Variants in AFAP1 observed in about 807,000 individuals in gnomAD.
The protein encoded by AFAP1 is actin filament associated protein 1.
AFAP1 carries 75 observed loss-of-function variants against 93.9 expected under a neutral mutation model. The ratio of observed to expected loss-of-function variants is 0.80; its 90% CI spans 0.66 to 0.97. The LOEUF is 0.97. AFAP1 is among the 50% of genes least tolerant of loss of function. The pLI is 0.00. For missense variants in AFAP1, 1,201 were observed against 1,050.8 expected (o/e 1.14, Z -1.98); for synonymous variants, 517 against 430.7 (o/e 1.20, Z -2.48).
intron 6 of AFAP1, among the ~76,000 whole-genome samples, chr4:7,820,918 A>G (rs1720919191): frequency 1.3e-5 from 2 of 152,148 alleles, no homozygotes; most frequent in Admixed American, 6.5e-5. Context: ...CGGGAGCTCA[A>G]TACCAGCCTG....
intron 8 of AFAP1, among the ~76,000 whole-genome samples, chr4:7,811,626 G>A (rs1560173934): frequency 6.6e-6 from 1 of 152,086 alleles, no homozygotes; most frequent in Non-Finnish European, 1.5e-5. Context: ...CTTAGGTCCT[G>A]GTCCTATAGC....
Position 7,868,546 on chromosome 4 carries a change from A to C in AFAP1, c.225+76T>G, listed in dbSNP as rs1035367544. 5 of 1,330,048 alleles carry C rather than the reference A, an allele frequency of 3.8e-6. No individual in the cohort carries two copies. In the African/African-American group the frequency reaches 7.4e-5, roughly 20 times the overall value. The allele number at this position is 1,330,048 out of a possible 1,614,324, so 82.4% of individuals were successfully genotyped here. A position where few individuals can be genotyped will look rare whatever the true frequency, so the allele number is the denominator to read the frequency against. ...CTCCATTCTTCCACACCGGGCTTCC[A>C]TCACAGGCCCCTGGAGCCCGTAAGT... On this transcript the variant is annotated intron_variant, in intron 3 of 17. Transcript: ENST00000420658.
At chr4:7,872,864 G>T (rs1489797001) in intron 1 of AFAP1, among the ~76,000 whole-genome samples, 1 of 148,172 alleles carries the variant, frequency 6.7e-6, no homozygotes, top group Non-Finnish European at 1.5e-5. Context: ...AATCAAGGAA[G>T]TGACACCAAA....
chr4:7,768,363 G>A (rs1714919483), intron 17 of AFAP1, among the ~76,000 whole-genome samples: 1 of 152,268 alleles, frequency 6.6e-6, no homozygotes, highest in Non-Finnish European at 1.5e-5. Context: ...CCAGGAGGGA[G>A]TAAACAGGTT....
chr4:7,830,369 G>A (rs1420549185), intron 6 of AFAP1, among the ~76,000 whole-genome samples: 6 of 152,174 alleles, frequency 3.9e-5, no homozygotes, highest in Non-Finnish European at 4.4e-5. Flanking sequence ...TCCTAGAGAA[G>A]ACAAGAAACG....
intron 3 of AFAP1, among the ~76,000 whole-genome samples, chr4:7,858,241 C>T (rs1167681213): frequency 6.6e-6 from 1 of 152,198 alleles, no homozygotes; most frequent in Non-Finnish European, 1.5e-5. Context: ...GGCAGAAGGT[C>T]ATTCACCAAA....
chr4:7,861,781 T>C (rs4383619), intron 3 of AFAP1, among the ~76,000 whole-genome samples: 120,131 of 152,258 alleles, frequency 0.79, 47,672 homozygotes, highest in East Asian at 0.97. Context: ...TCCTCAAAGA[T>C]GATGAAAAAG....
chr4:7,927,947 T>G (rs1309371438), intron 1 of AFAP1, among the ~76,000 whole-genome samples: 1 of 152,132 alleles, frequency 6.6e-6, no homozygotes, highest in Non-Finnish European at 1.5e-5. Flanking sequence ...AGTCAAGTCA[T>G]AGAGATGAAA....
At chr4:7,899,884 A>ATAAATAAATAAATAAAT (rs1553853500) in intron 1 of AFAP1, among the ~76,000 whole-genome samples, 3 of 151,328 alleles carry the variant, frequency 2.0e-5, no homozygotes, top group Non-Finnish European at 2.9e-5. Context: ...AAATAAATAA[A>ATAAATAAATAAATAAAT]AAAGGAAGGG....
chr4:7,923,486 T>G (rs906950408), intron 1 of AFAP1, among the ~76,000 whole-genome samples: 1 of 152,132 alleles, frequency 6.6e-6, no homozygotes, highest in Non-Finnish European at 1.5e-5. Flanking sequence ...TTTCTCCTCT[T>G]CTTTTTTATT....
At chr4:7,790,306 G>T (rs1039795458) in intron 11 of AFAP1, among the ~76,000 whole-genome samples, 8 of 152,140 alleles carry the variant, frequency 5.3e-5, no homozygotes, top group Admixed American at 4.6e-4. Context: ...AGGTAGAAAA[G>T]ATTCCTGCAG....
intron 17 of AFAP1, among the ~76,000 whole-genome samples, chr4:7,764,802 A>G (rs1714323997): frequency 6.6e-6 from 1 of 151,988 alleles, no homozygotes; most frequent in Non-Finnish European, 1.5e-5. Flanking sequence ...CAGTACCCCC[A>G]CTTCATAAGT....
chr4:7,785,775 A>G (rs1717201155), intron 12 of AFAP1, among the ~76,000 whole-genome samples: 1 of 152,128 alleles, frequency 6.6e-6, no homozygotes, highest in Admixed American at 6.5e-5. Context: ...CATCTCTACT[A>G]AAAATAAAAC....
chr4:7,772,754 G>C, intron 16 of AFAP1, 66 bp downstream of exon 16: 2 of 1,485,296 alleles, frequency 1.3e-6, no homozygotes, highest in Admixed American at 1.8e-5. Context: ...CATTCTCTCT[G>C]GGTGCACTGG....
chr4:7,913,388 C>CAAAAA (rs763367846), intron 1 of AFAP1, among the ~76,000 whole-genome samples: 2 of 62,072 alleles, frequency 3.2e-5, no homozygotes, highest in Admixed American at 1.7e-4. Flanking sequence ...ACCCTGTCTC[C>CAAAAA]AAAAAAAAAA....
chr4:7,925,515 C>A (rs775750408), intron 1 of AFAP1, among the ~76,000 whole-genome samples: 1 of 152,154 alleles, frequency 6.6e-6, no homozygotes, highest in East Asian at 1.9e-4. Flanking sequence ...GAGTTCAAGA[C>A]CAGCCTGACC....
intron 5 of AFAP1, among the ~76,000 whole-genome samples, chr4:7,839,441 GAAT>G (rs1172949643): frequency 6.6e-6 from 1 of 151,628 alleles, no homozygotes; most frequent in South Asian, 2.1e-4. Context: ...ATATTTATGT[GAAT>G]AATATATAAA....
chr4:7,798,539 T>A (rs901317051), intron 10 of AFAP1, among the ~76,000 whole-genome samples: 3 of 152,240 alleles, frequency 2.0e-5, no homozygotes, highest in African/African-American at 7.2e-5. Context: ...TGGAAGGCTG[T>A]AGATGTTTAT....
chr4:7,881,580 C>T (rs1291487845), intron 1 of AFAP1, among the ~76,000 whole-genome samples: 2 of 152,188 alleles, frequency 1.3e-5, no homozygotes, highest in East Asian at 1.9e-4. Context: ...GTCAGGAGTT[C>T]GAGATTAGCC....
Sources: allele counts gnomAD v4.1 joint callset (sites outside exome capture counted in the v4.1 genomes callset), GRCh38; gene constraint gnomAD v4.1.1; transcripts MANE v1.5; gene names NCBI Gene and HGNC (gene_info 2026-07-23, HGNC 2026-07-21).